Variants in CSMD3 observed in about 807,000 individuals in gnomAD.
CSMD3 encodes CUB and sushi domain-containing protein 3.
CSMD3 carries 177 observed loss-of-function variants against 435.2 expected under a neutral mutation model. That is an observed-to-expected ratio of 0.41 (90% CI 0.36 to 0.46). The LOEUF (loss-of-function observed/expected upper bound fraction) is 0.46. Ranked by LOEUF, CSMD3 falls within the 20% of genes least tolerant of loss-of-function variation. The probability of loss-of-function intolerance (pLI) is 0.34; values close to 1 mark genes in which losing one functional copy is unlikely to be tolerated. For synonymous variants in CSMD3, 1,656 were observed against 1,520.5 expected (o/e 1.09, Z -2.07); for missense variants, 4,265 against 4,504.6 (o/e 0.95, Z 1.52).
intron 16 of CSMD3, among the ~76,000 whole-genome samples, chr8:112,675,004 A>G (rs2075741239): frequency 6.6e-6 from 1 of 152,132 alleles, no homozygotes; most frequent in Admixed American, 6.6e-5. Flanking sequence ...TGGAAGTGGG[A>G]TGGCAGAGGT....
intron 59 of CSMD3, among the ~76,000 whole-genome samples, chr8:112,267,451 C>A (rs962169596): frequency 6.6e-6 from 1 of 151,450 alleles, no homozygotes; most frequent in Non-Finnish European, 1.5e-5. Context: ...ACTCATGTAC[C>A]GACAATACGT....
At chr8:112,390,811 G>C (rs2129727918) in intron 35 of CSMD3, 23 bp from the exon 36 acceptor site, 1 of 1,610,274 alleles carries the variant, frequency 6.2e-7, no homozygotes, top group Non-Finnish European at 8.5e-7. Context: ...CAGTCCAAGA[G>C]AGGGAGTTAA....
chr8:112,814,532 C>G (rs145238289), intron 12 of CSMD3, among the ~76,000 whole-genome samples: 9 of 152,220 alleles, frequency 5.9e-5, no homozygotes, highest in South Asian at 2.1e-4. Context: ...CCTGTAATCC[C>G]AGCACTTTGG....
At chr8:113,023,327 C>T (rs988132276) in intron 5 of CSMD3, among the ~76,000 whole-genome samples, 30 of 152,150 alleles carry the variant, frequency 2.0e-4, no homozygotes, top group African/African-American at 7.0e-4. Flanking sequence ...CAGGATTTTT[C>T]ACATCATTAC....
chr8:113,220,238 A>G (rs1041554853), intron 3 of CSMD3, among the ~76,000 whole-genome samples: 1 of 151,452 alleles, frequency 6.6e-6, no homozygotes, highest in African/African-American at 2.4e-5. Context: ...AAATGAGCAC[A>G]ACTAGTGACT....
intron 38 of CSMD3, among the ~76,000 whole-genome samples, chr8:112,358,698 C>T (rs79176530): frequency 0.038 from 5,749 of 152,218 alleles, 361 homozygotes; most frequent in African/African-American, 0.13. Flanking sequence ...GATTGTGAGG[C>T]TTCACCAGCC....
At chr8:113,308,258 CT>C (rs11440584) in intron 2 of CSMD3, among the ~76,000 whole-genome samples, 117 of 64,946 alleles carry the variant, frequency 1.8e-3, no homozygotes, top group Non-Finnish European at 2.3e-3. Context: ...TCATTTAAGT[CT>C]TTTTTTTTTT....
At chr8:112,338,926 T>G (rs1414281626) in intron 42 of CSMD3, among the ~76,000 whole-genome samples, 1 of 152,016 alleles carries the variant, frequency 6.6e-6, no homozygotes, top group Non-Finnish European at 1.5e-5. Flanking sequence ...GTATAGAAAA[T>G]AGATTTTAAG....
intron 54 of CSMD3, 67 bp downstream of exon 54, chr8:112,295,766 G>T (rs1586685119): frequency 2.3e-6 from 3 of 1,324,636 alleles, no homozygotes; most frequent in South Asian, 1.2e-5. Context: ...TATTCATCTT[G>T]CCTAACAAAA....
chr8:113,142,960 T>C (rs2091584909), intron 4 of CSMD3, among the ~76,000 whole-genome samples: 1 of 150,564 alleles, frequency 6.6e-6, no homozygotes, highest in African/African-American at 2.4e-5. Context: ...AATCTCACAT[T>C]TTATTTTTAA....
intron 5 of CSMD3, among the ~76,000 whole-genome samples, chr8:113,071,120 T>C (rs927983796): frequency 6.6e-5 from 10 of 152,014 alleles, no homozygotes; most frequent in African/African-American, 2.4e-4. Flanking sequence ...ATGTCCTCAC[T>C]TGGGAAATAT....
At chr8:112,547,811 T>C (rs1209523432) in intron 27 of CSMD3, among the ~76,000 whole-genome samples, 1 of 152,100 alleles carries the variant, frequency 6.6e-6, no homozygotes, top group African/African-American at 2.4e-5. Context: ...TGTATGAAAT[T>C]AAGAGTTGCT....
At chr8:112,806,293 A>G (rs955081758) in intron 12 of CSMD3, among the ~76,000 whole-genome samples, 2 of 152,214 alleles carry the variant, frequency 1.3e-5, no homozygotes, top group Non-Finnish European at 2.9e-5. Flanking sequence ...TTGCTATGAA[A>G]ATAAAGCGGC....
Position 112,587,104 on chromosome 8 carries a change from C to A in CSMD3, c.3847G>T (p.Ala1283Ser). ...CCTTGTGCTAAATGAAATGTTCTGG[C>A]TGAAATATTGATTCCCTTTCCTGCT... ...VQAGKGINIS[A>S]RTFHLAQGDV... Residue 1283 changes from alanine to serine, a missense_variant, in exon 23 of 71, where the codon GCC becomes TCC. Ala to Ser is a moderately conservative substitution (Grantham distance 99, BLOSUM62 1). Coordinates refer to ENST00000297405, the MANE Select transcript of CSMD3 (RefSeq NM_198123.2). 6.2e-7 allele frequency: 1 copy of A among 1,611,068 alleles called. No individual in the cohort carries two copies. Among genetic ancestry groups the A allele is most frequent in the Non-Finnish European group, 8.5e-7 (1 of 1,177,962 alleles).
chr8:112,545,376 G>A (rs866961165), intron 27 of CSMD3, among the ~76,000 whole-genome samples: 9 of 150,592 alleles, frequency 6.0e-5, no homozygotes, highest in African/African-American at 2.0e-4. Context: ...CCAGCTATTC[G>A]GGAGGCTGAG....
intron 3 of CSMD3, among the ~76,000 whole-genome samples, chr8:113,222,943 T>C (rs2092986648): frequency 6.6e-6 from 1 of 151,072 alleles, no homozygotes; most frequent in South Asian, 2.1e-4. Flanking sequence ...TGAAATTAGC[T>C]CACATTCAGG....
At chr8:112,414,382 G>A (rs914053874) in intron 32 of CSMD3, among the ~76,000 whole-genome samples, 3 of 152,066 alleles carry the variant, frequency 2.0e-5, no homozygotes, top group African/African-American at 7.2e-5. Context: ...CATTCCCCCT[G>A]CTGGCTCACC....
intron 4 of CSMD3, among the ~76,000 whole-genome samples, chr8:113,132,043 G>A (rs1483089095): frequency 1.3e-5 from 2 of 152,144 alleles, no homozygotes; most frequent in Non-Finnish European, 2.9e-5. Context: ...AGACTTGCAT[G>A]GGGCCTATAG....
chr8:112,620,873 T>G (rs553972165), intron 22 of CSMD3, among the ~76,000 whole-genome samples: 45 of 152,292 alleles, frequency 3.0e-4, no homozygotes, highest in African/African-American at 1.0e-3. Flanking sequence ...TTTCGCCTCC[T>G]CATATCTCAT....
Sources: gnomAD v4.1 joint callset for allele counts (sites outside exome capture counted in the v4.1 genomes callset) on GRCh38, gnomAD v4.1.1 for gene constraint, MANE v1.5 for transcripts, NCBI Gene and HGNC (gene_info 2026-07-23, HGNC 2026-07-21) for gene names.